Variants in MACROH2A1 observed in about 807,000 individuals in gnomAD.
MACROH2A1 encodes the protein macroH2A.1 histone.
Under a neutral mutation model 31.6 loss-of-function variants are expected in MACROH2A1, and 2 were observed. The observed-to-expected ratio is 0.06, with a 90% CI of 0.03 to 0.20. The LOEUF is 0.20. Ranked by LOEUF, MACROH2A1 falls within the 10% of genes least tolerant of loss-of-function variation. The pLI, the probability that MACROH2A1 is intolerant of heterozygous loss-of-function variation, is 1.00. For missense variants in MACROH2A1, 230 were observed against 474.0 expected (o/e 0.49, Z 4.78); for synonymous variants, 169 against 189.6 (o/e 0.89, Z 0.89).
In MACROH2A1 at chr5:135,370,028, G is replaced by T; in HGVS notation, c.279+8C>A. On this transcript the variant is annotated splice_region_variant and intron_variant, in intron 3 of 8. Transcript: ENST00000511689. The stretch of plus-strand genomic sequence containing the variant: ...CAAACATCAGTGGGAGATGGGAGAG[G>T]CCCATACCTGATTCAGCTCTTCATC... 2 of 1,554,358 alleles carry T rather than the reference G, an allele frequency of 1.3e-6. No individual in the cohort carries two copies. Among genetic ancestry groups the T allele is most frequent in the Non-Finnish European group, 1.8e-6 (2 of 1,125,912 alleles).
intron 2 of MACROH2A1, among the ~76,000 whole-genome samples, chr5:135,383,635 C>A (rs1339407911): frequency 2.0e-5 from 3 of 151,010 alleles, no homozygotes; most frequent in Non-Finnish European, 4.4e-5. Flanking sequence ...AGATAAAATT[C>A]TTTAAGAATT....
intron 2 of MACROH2A1, among the ~76,000 whole-genome samples, chr5:135,386,688 T>A (rs1766452802): frequency 6.6e-6 from 1 of 152,140 alleles, no homozygotes; most frequent in Non-Finnish European, 1.5e-5. Context: ...GATATCCACC[T>A]CAGGAGCACT....
At chr5:135,349,601 AT>A (rs1312415163) in intron 6 of MACROH2A1, among the ~76,000 whole-genome samples, 1 of 152,050 alleles carries the variant, frequency 6.6e-6, no homozygotes, top group African/African-American at 2.4e-5. Context: ...GCAGCCAGAG[AT>A]TGTGAGCTAC....
intron 5 of MACROH2A1, chr5:135,357,437 A>C (rs1762309485): frequency 6.6e-6 from 1 of 152,158 alleles, no homozygotes; most frequent in South Asian, 2.1e-4. Flanking sequence ...CAAAGGGAGA[A>C]AACCCATGGT....
At chr5:135,354,202 A>T (rs1442598888) in intron 5 of MACROH2A1, 1 of 152,238 alleles carries the variant, frequency 6.6e-6, no homozygotes, top group Non-Finnish European at 1.5e-5. Context: ...TGCACAAGAC[A>T]CTTGGCAGGG....
Position 135,359,381 on chromosome 5 carries a change from C to A in MACROH2A1, c.588+1116G>T, listed in dbSNP as rs149930314. On this transcript the variant is annotated intron_variant, in intron 5 of 8. Transcript: ENST00000511689. The stretch of plus-strand genomic sequence containing the variant: ...TGCTGAGTCGAAATTTTTAAAGGAA[C>A]AAAAAATATTTTAAAACAAAAACTT... 9 of 984,776 alleles carry A rather than the reference C, an allele frequency of 9.1e-6. No individual in the cohort carries two copies. The Admixed American group carries it at 3.1e-4, about 34-fold the overall frequency. 61.0% of individuals were successfully genotyped at this position (984,776 alleles called of 1,614,324 possible).
intron 8 of MACROH2A1, among the ~76,000 whole-genome samples, chr5:135,336,871 A>ATCT (rs1352061452): frequency 6.6e-6 from 1 of 152,202 alleles, no homozygotes; most frequent in East Asian, 1.9e-4. Flanking sequence ...TAAAAACTCA[A>ATCT]TCTTCCATTT....
intron 2 of MACROH2A1, among the ~76,000 whole-genome samples, chr5:135,383,945 C>T (rs1766041567): frequency 6.6e-6 from 1 of 152,124 alleles, no homozygotes; most frequent in Admixed American, 6.6e-5. Flanking sequence ...AGCCTTGGAG[C>T]ATCAAAGAGC....
chr5:135,392,366 C>G (rs1476688142), intron 1 of MACROH2A1, among the ~76,000 whole-genome samples: 1 of 152,212 alleles, frequency 6.6e-6, no homozygotes, highest in African/African-American at 2.4e-5. Flanking sequence ...ACTTCTCATT[C>G]TGAGTCAGGC....
chr5:135,370,244 T>C (rs1446422434), intron 2 of MACROH2A1, 102 bp from the exon 3 acceptor site: 5 of 684,950 alleles, frequency 7.3e-6, no homozygotes, highest in Non-Finnish European at 1.2e-5. Flanking sequence ...GGCAGCTGCT[T>C]CAGGAAGCAG....
chr5:135,352,220 C>T (rs933940829), intron 6 of MACROH2A1, among the ~76,000 whole-genome samples: 4 of 152,212 alleles, frequency 2.6e-5, no homozygotes, highest in African/African-American at 7.2e-5. Flanking sequence ...GCAGCCCTGT[C>T]GTGCCATTGA....
At chr5:135,365,741 C>T (rs1028079781) in intron 4 of MACROH2A1, among the ~76,000 whole-genome samples, 1 of 152,198 alleles carries the variant, frequency 6.6e-6, no homozygotes, top group African/African-American at 2.4e-5. Flanking sequence ...TAAAAATATA[C>T]TCACTCTTTG....
At position 135,335,159 on chromosome 5, in the gene MACROH2A1, A is replaced by G; in HGVS notation, c.954-18T>C. 1.2e-6 allele frequency: 2 copies of G among 1,609,758 alleles called. No homozygotes were observed. Among genetic ancestry groups the G allele is most frequent in the Non-Finnish European group, 1.7e-6 (2 of 1,176,282 alleles). Reference sequence around the variant, plus strand: ...AACCGTTCCTGGAGAAGAGAAGATAAGCACTCAGCAACTGGGATGCCACGG... The same window carrying G: ...AACCGTTCCTGGAGAAGAGAAGATAGGCACTCAGCAACTGGGATGCCACGG... On this transcript the variant is annotated intron_variant, in intron 8 of 8. Transcript: ENST00000511689.
intron 2 of MACROH2A1, among the ~76,000 whole-genome samples, chr5:135,373,159 G>A (rs1352713157): frequency 1.3e-5 from 2 of 152,204 alleles, no homozygotes; most frequent in Admixed American, 1.3e-4. Flanking sequence ...TGCCCAAAAC[G>A]TTGGAGGAAG....
intron 6 of MACROH2A1, chr5:135,347,711 C>T (rs2149756376): frequency 6.6e-6 from 1 of 152,334 alleles, no homozygotes; most frequent in Middle Eastern, 3.4e-3. Flanking sequence ...ACAGGTTCAC[C>T]TAAACTATCC....
chr5:135,343,301 C>T lies in MACROH2A1; in HGVS notation c.912G>A (p.Lys304=). The part of the protein sequence containing the change: ...VKNCLALADD[K]KLKSIAFPSI... ...ATGGAAATGCAATGGATTTCAGCTT[C>T]TTATCATCAGCCAGGGCCAAGCAGT... The change falls in exon 8 of 9, where the codon AAG becomes AAA. Residue 304 remains lysine (K), a synonymous_variant. Transcript: ENST00000511689. 4.3e-6 allele frequency: 7 copies of T among 1,614,216 alleles called. No homozygotes were observed. Among genetic ancestry groups the T allele is most frequent in the Non-Finnish European group, 5.9e-6 (7 of 1,180,040 alleles).
intron 4 of MACROH2A1, 174 bp from the exon 5 acceptor site, chr5:135,360,781 C>T (rs1161505512): frequency 1.4e-5 from 10 of 699,824 alleles, no homozygotes; most frequent in Middle Eastern, 4.6e-4. Flanking sequence ...TACAAGAGTT[C>T]TGTGGAGTGT....
intron 7 of MACROH2A1, chr5:135,345,363 A>C (rs1760664828): frequency 6.6e-6 from 1 of 152,350 alleles, no homozygotes; most frequent in African/African-American, 2.4e-5. Context: ...GTCCTCACAC[A>C]GTTGGTGGGG....
Position 135,398,301 on chromosome 5 carries a change from C to T in MACROH2A1, c.-34+761G>A, listed in dbSNP as rs907136404. On this transcript the variant is annotated intron_variant, in intron 1 of 8. Coordinates refer to ENST00000511689, the MANE Select transcript of MACROH2A1 (RefSeq NM_138610.3). This position sits in a 1 kb window ranked among gnomAD's most constrained non-coding sequence, Gnocchi z 4.6. ...CCACTCCACCCCACCCCCAGCGAGGCTCTTTCCTGCTGGCCTTCTCCACCC... is the reference window on the plus strand; with the variant it reads ...CCACTCCACCCCACCCCCAGCGAGGTTCTTTCCTGCTGGCCTTCTCCACCC... Among the ~76,000 whole-genome samples, 1 of 152,210 alleles carries T rather than the reference C, an allele frequency of 6.6e-6. No individual in the cohort carries two copies. Among genetic ancestry groups the T allele is most frequent in the African/African-American group, 2.4e-5 (1 of 41,468 alleles).
Sources: gnomAD v4.1 joint callset for allele counts (sites outside exome capture counted in the v4.1 genomes callset) on GRCh38, gnomAD v4.1.1 for gene constraint, Gnocchi (gnomAD v3.1) non-coding constraint, MANE v1.5 for transcripts, NCBI Gene and HGNC (gene_info 2026-07-23, HGNC 2026-07-21) for gene names.